TNS1: variants seen among roughly 807,000 people sequenced by gnomAD.
TNS1 encodes the protein tensin-1.
TNS1 carries 62 observed loss-of-function variants against 168.6 expected under a neutral mutation model. The ratio of observed to expected loss-of-function variants is 0.37; its 90% CI spans 0.30 to 0.45. TNS1 has a LOEUF of 0.45. Ranked by LOEUF, TNS1 falls within the 20% of genes least tolerant of loss-of-function variation. The pLI, the probability that TNS1 is intolerant of heterozygous loss-of-function variation, is 1.00. For synonymous variants in TNS1, 934 were observed against 933.2 expected (o/e 1.00, Z -0.02); for missense variants, 2,240 against 2,339.4 (o/e 0.96, Z 0.88).
chr2:217,982,973 C>T (rs984464183), intron 2 of TNS1, among the ~76,000 whole-genome samples: 1 of 152,100 alleles, frequency 6.6e-6, no homozygotes, highest in African/African-American at 2.4e-5. Context: ...TGTAACAGCC[C>T]GACTAAGACA....
At chr2:217,903,138 C>T (rs546188320) in intron 6 of TNS1, among the ~76,000 whole-genome samples, 1 of 152,186 alleles carries the variant, frequency 6.6e-6, no homozygotes, top group South Asian at 2.1e-4. Context: ...CCCTGGGCCT[C>T]CAATCTTCAT....
chr2:217,855,210 G>A (rs1947984147), intron 18 of TNS1, among the ~76,000 whole-genome samples: 1 of 152,040 alleles, frequency 6.6e-6, no homozygotes, highest in South Asian at 2.1e-4. Context: ...TCACTTCCTT[G>A]TCCTCCATAC....
intron 1 of TNS1, among the ~76,000 whole-genome samples, chr2:218,016,192 T>A (rs1434677649): frequency 1.3e-5 from 2 of 151,946 alleles, no homozygotes; most frequent in African/African-American, 4.8e-5. Flanking sequence ...CACTGGCCAG[T>A]CTGCTCCTGA....
chr2:217,960,617 C>T (rs1293759025), intron 3 of TNS1, among the ~76,000 whole-genome samples: 1 of 152,182 alleles, frequency 6.6e-6, no homozygotes, highest in Non-Finnish European at 1.5e-5. Context: ...TTCTGATCCA[C>T]ACCTCCAGAC....
At chr2:217,821,492 G>A (rs980968720) in intron 23 of TNS1, among the ~76,000 whole-genome samples, 6 of 152,202 alleles carry the variant, frequency 3.9e-5, no homozygotes, top group South Asian at 4.1e-4. Context: ...ACTCCTTCCA[G>A]CACAGTTTTG....
In TNS1 at chr2:217,813,454, T is replaced by C. The variant is rs894966472; in HGVS notation, c.4862-147A>G. The C allele has an allele frequency of 1.1e-6, 1 of 893,098 alleles. No homozygotes were observed. Among genetic ancestry groups the C allele is most frequent in the Non-Finnish European group, 1.7e-6 (1 of 579,736 alleles). The allele number at this position is 893,098 out of a possible 1,614,324, so 55.3% of individuals were successfully genotyped here. A position where few individuals can be genotyped will look rare whatever the true frequency, so the allele number is the denominator to read the frequency against. On this transcript the variant is annotated intron_variant, in intron 26 of 32. Coordinates refer to ENST00000682258, the MANE Select transcript of TNS1 (RefSeq NM_001387777.1). The surrounding 1 kb of genome is among the most constrained non-coding windows in gnomAD (Gnocchi z 4.0). ...AGAACGTGGCTGGAGCCCCATGGACTGCAGAGCCCACTGCTGCTCTCCCAC... is the reference window on the plus strand; with the variant it reads ...AGAACGTGGCTGGAGCCCCATGGACCGCAGAGCCCACTGCTGCTCTCCCAC...
intron 1 of TNS1, among the ~76,000 whole-genome samples, chr2:218,021,205 G>A (rs573677619): frequency 6.6e-6 from 1 of 152,248 alleles, no homozygotes; most frequent in South Asian, 2.1e-4. Flanking sequence ...CCTCCTGATG[G>A]AGAATGAGTC....
intron 1 of TNS1, among the ~76,000 whole-genome samples, chr2:218,017,694 T>C (rs1958773582): frequency 2.0e-5 from 3 of 152,236 alleles, no homozygotes; most frequent in Admixed American, 1.3e-4. Context: ...CTTCTTCTTC[T>C]GTAAAATGGA....
rs147548579 is a variant in TNS1 at position 217,946,048 on chromosome 2, C to G, written c.187-25812G>C. On this transcript the variant is annotated intron_variant, in intron 3 of 32. Transcript: ENST00000682258. ...ACGGACATCAAAGCGTCCCAGCTCC[C>G]CACTGCCTGCTACTTCCAGTCCAAG... Among the ~76,000 whole-genome samples the G allele has an allele frequency of 5.9e-5, 9 of 152,330 alleles. No individual in the cohort carries two copies. In the East Asian group the frequency reaches 1.7e-3, roughly 29 times the overall value.
chr2:217,989,195 A>G (rs1958285983), intron 2 of TNS1, among the ~76,000 whole-genome samples: 1 of 152,234 alleles, frequency 6.6e-6, no homozygotes, highest in Non-Finnish European at 1.5e-5. Context: ...TGAGCCCACC[A>G]GGCCTGGCAG....
chr2:217,808,241 C>T, intron 31 of TNS1, 134 bp from the exon 32 acceptor site: 2 of 1,015,332 alleles, frequency 2.0e-6, no homozygotes, highest in Non-Finnish European at 2.9e-6. Context: ...TTCCCCCATT[C>T]CCCCATTCCC....
rs997225813 is a variant in TNS1 at position 217,804,256 on chromosome 2, T to C, written c.*203A>G. The C allele has an allele frequency of 6.0e-5, 25 of 416,812 alleles. No homozygotes were observed. The highest frequency in any genetic ancestry group is 1.8e-4 in the South Asian group (6 of 33,142). 25.8% of individuals were successfully genotyped at this position (416,812 alleles called of 1,614,324 possible). A position where few individuals can be genotyped will look rare whatever the true frequency, so the allele number is the denominator to read the frequency against. On this transcript the variant is annotated 3_prime_UTR_variant, in exon 33 of 33. Transcript: ENST00000682258. ...GAATCCAAGTTCTTCTCCTCCATCT[T>C]TCTCTCTCTCTCTCTCTCTCTCTCT...
chr2:217,804,660 T>C (rs961157210), intron 32 of TNS1, 57 bp from the exon 33 acceptor site: 1 of 1,603,824 alleles, frequency 6.2e-7, no homozygotes, highest in African/African-American at 1.3e-5. Flanking sequence ...CCCCAGGAGG[T>C]GGACAGCAGC....
chr2:217,964,967 C>G (rs1475646344), intron 3 of TNS1, among the ~76,000 whole-genome samples: 6 of 152,204 alleles, frequency 3.9e-5, no homozygotes, highest in African/African-American at 1.4e-4. Flanking sequence ...GCCAGAACCC[C>G]CAGAGAGAGG....
chr2:217,933,833 AGGTG>A (rs2125913271), intron 3 of TNS1, among the ~76,000 whole-genome samples: 1 of 152,336 alleles, frequency 6.6e-6, no homozygotes, highest in Non-Finnish European at 1.5e-5. Context: ...ATGGAAGAGC[AGGTG>A]CACAAACAAT....
intron 28 of TNS1, among the ~76,000 whole-genome samples, chr2:217,811,730 G>A (rs1047576612): frequency 7.2e-5 from 11 of 152,236 alleles, no homozygotes; most frequent in Middle Eastern, 3.4e-3. Context: ...GGGCTGATGC[G>A]CCTCCATGAG....
intron 1 of TNS1, among the ~76,000 whole-genome samples, chr2:218,000,471 C>T (rs1958542356): frequency 6.6e-6 from 1 of 152,198 alleles, no homozygotes; most frequent in African/African-American, 2.4e-5. Context: ...CAGAGGATCC[C>T]AAGAACCAGG....
chr2:217,961,980 A>T (rs1957507426), intron 3 of TNS1, among the ~76,000 whole-genome samples: 1 of 152,196 alleles, frequency 6.6e-6, no homozygotes, highest in South Asian at 2.1e-4. Context: ...GAAAAATAAG[A>T]TATTCTGCCT....
chr2:217,991,037 G>C lies in TNS1; in HGVS notation c.53C>G (p.Pro18Arg), dbSNP rs753462749. 1 of 685,650 alleles carries C rather than the reference G, an allele frequency of 1.5e-6. No homozygotes were observed. The highest frequency in any genetic ancestry group is 1.7e-5 in the African/African-American group (1 of 57,204). The allele number at this position is 685,650 out of a possible 1,614,324, so 42.5% of individuals were successfully genotyped here. The change falls in exon 2 of 33, where the codon CCC (proline) becomes CGC (arginine). Residue 18 changes from proline to arginine, a missense_variant. By Grantham distance (103) the Pro-to-Arg change is moderately radical. Transcript: ENST00000682258. ...CMLWPEDLEA[P>R]KTHRFKVKTF... The stretch of plus-strand genomic sequence containing the variant: ...CTTCACCTTGAAGCGGTGTGTCTTG[G>C]GGGCCTCCAGATCCTCTGGCTGTGG...
Sources: allele counts gnomAD v4.1 joint callset (sites outside exome capture counted in the v4.1 genomes callset), GRCh38; gene constraint gnomAD v4.1.1; non-coding constraint Gnocchi (gnomAD v3.1); transcripts MANE v1.5; gene names NCBI Gene and HGNC (gene_info 2026-07-23, HGNC 2026-07-21).